The following PLA2G6 variants were observed in gnomAD, a reference collection of about 807,000 sequenced individuals.
The protein encoded by PLA2G6 is phospholipase A2 group VI.
Under a neutral mutation model 83.8 loss-of-function variants are expected in PLA2G6, and 62 were observed. That is an observed-to-expected ratio of 0.74 (90% CI 0.60 to 0.91). PLA2G6 has a LOEUF of 0.91. Ranked by LOEUF, PLA2G6 falls within the 40% of genes least tolerant of loss-of-function variation. PLA2G6 has a pLI of 0.00. For synonymous variants in PLA2G6, 417 were observed against 449.8 expected (o/e 0.93, Z 0.92); for missense variants, 944 against 1,102.0 (o/e 0.86, Z 2.03).
chr22:38,115,729 A>G (rs1455048284), intron 13 of PLA2G6, 48 bp from the exon 14 acceptor site: 1 of 1,560,922 alleles, frequency 6.4e-7, no homozygotes, highest in Non-Finnish European at 8.7e-7. Flanking sequence ...GGACTGGCAT[A>G]AAACCCATGC....
At chr22:38,166,092 G>C (rs980310485) in intron 2 of PLA2G6, among the ~76,000 whole-genome samples, 7 of 152,172 alleles carry the variant, frequency 4.6e-5, no homozygotes, top group Admixed American at 3.9e-4. Context: ...GACGGAGGGA[G>C]AAAGAACCTC....
chr22:38,112,885 C>T (rs987571149), intron 15 of PLA2G6: 7 of 506,386 alleles, frequency 1.4e-5, no homozygotes, highest in Non-Finnish European at 2.1e-5. Context: ...TCCCTCCCTC[C>T]CTCCTCTCTC....
At chr22:38,158,274 A>T (rs1485335758) in intron 2 of PLA2G6, among the ~76,000 whole-genome samples, 1 of 146,400 alleles carries the variant, frequency 6.8e-6, no homozygotes, top group African/African-American at 2.5e-5. Flanking sequence ...GGTTCAAGTG[A>T]TTCTCCCGCT....
chr22:38,122,971 C>T, intron 11 of PLA2G6, 124 bp downstream of exon 11: 1 of 972,486 alleles, frequency 1.0e-6, no homozygotes, highest in Non-Finnish European at 1.6e-6. Flanking sequence ...CCTGCCTCCT[C>T]AAAGTGCTTA....
intron 1 of PLA2G6, among the ~76,000 whole-genome samples, chr22:38,177,031 T>G (rs921078231): frequency 3.2e-5 from 4 of 123,554 alleles, no homozygotes; most frequent in South Asian, 2.9e-4. Context: ...GATGACAAAG[T>G]GAGACTGTCT....
chr22:38,171,566 C>A (rs1173761978), intron 1 of PLA2G6, among the ~76,000 whole-genome samples: 1 of 152,068 alleles, frequency 6.6e-6, no homozygotes. Flanking sequence ...TGCCCGTAAT[C>A]CCAGCACTCT....
rs73154423 is a variant in PLA2G6, at chr22:38,174,817, A to G, written c.-45-5346T>C. ...GGGGCCGTGGTTAGTGCTGTGATCA[A>G]CGTGAACACAGGTCACCTGGAGCCA... On this transcript the variant is annotated intron_variant, in intron 1 of 16. Coordinates refer to ENST00000332509, the MANE Select transcript of PLA2G6 (RefSeq NM_003560.4). 2.7e-3 allele frequency among the ~76,000 whole-genome samples: 418 copies of G among 152,242 alleles called. 2 individuals are homozygous for G. The highest frequency in any genetic ancestry group is 0.024 in the Middle Eastern group (7 of 294).
intron 4 of PLA2G6, chr22:38,141,905 A>G (rs909128470): frequency 1.3e-5 from 2 of 151,688 alleles, no homozygotes; most frequent in East Asian, 1.9e-4. Flanking sequence ...ATGAATCCAC[A>G]TTTTCTGGGC....
intron 11 of PLA2G6, among the ~76,000 whole-genome samples, chr22:38,122,591 T>C (rs187442428): frequency 6.6e-6 from 1 of 152,300 alleles, no homozygotes; most frequent in Admixed American, 6.5e-5. Flanking sequence ...GGATGAGCTA[T>C]GTGACTTCAC....
At chr22:38,119,210 T>C (rs1251218199) in intron 12 of PLA2G6, among the ~76,000 whole-genome samples, 1 of 151,974 alleles carries the variant, frequency 6.6e-6, no homozygotes, top group African/African-American at 2.4e-5. Flanking sequence ...CACACAGCGG[T>C]AGTTTTTTAT....
At chr22:38,161,773 G>A (rs1156803454) in intron 2 of PLA2G6, among the ~76,000 whole-genome samples, 2 of 152,130 alleles carry the variant, frequency 1.3e-5, no homozygotes, top group African/African-American at 4.8e-5. Flanking sequence ...TCAGCTGAGA[G>A]TAAGCGTGGA....
chr22:38,151,916 GA>G (rs1201248889), intron 2 of PLA2G6, among the ~76,000 whole-genome samples: 1 of 152,186 alleles, frequency 6.6e-6, no homozygotes, highest in Non-Finnish European at 1.5e-5. Context: ...TGATTATGCT[GA>G]AAAGTAAGCA....
At chr22:38,169,812 C>G (rs567511960) in intron 1 of PLA2G6, among the ~76,000 whole-genome samples, 1 of 152,298 alleles carries the variant, frequency 6.6e-6, no homozygotes, top group South Asian at 2.1e-4. Flanking sequence ...AAGGAGATAG[C>G]ACATGTGAAC....
At chr22:38,112,471 C>T (rs370465424) in intron 16 of PLA2G6, 33 bp downstream of exon 16, 55 of 1,539,274 alleles carry the variant, frequency 3.6e-5, no homozygotes, top group Middle Eastern at 3.3e-4. Context: ...CGCCAGGGCA[C>T]GGGGCCAAGG....
At chr22:38,113,732 C>G (rs1257141795) in intron 14 of PLA2G6, 78 bp from the exon 15 acceptor site, 2 of 1,345,970 alleles carry the variant, frequency 1.5e-6, no homozygotes, top group Non-Finnish European at 2.1e-6. Context: ...CAAGGGGAGG[C>G]CCAAGACTGG....
intron 9 of PLA2G6, chr22:38,126,910 G>T: frequency 1.4e-6 from 1 of 711,928 alleles, no homozygotes; most frequent in Non-Finnish European, 1.9e-6. Context: ...TAGTCAAAAG[G>T]CTGAGTCAGG....
Position 38,132,722 on chromosome 22 carries a change from A to T in PLA2G6, c.1077+109T>A. On this transcript the variant is annotated intron_variant, in intron 7 of 16. Transcript: ENST00000332509. This position sits in a 1 kb window ranked among gnomAD's most constrained non-coding sequence, Gnocchi z 5.0. ...AGCTTTGGGTGGGAAGATGATTTGG[A>T]GCAGCTGACGATAGGAGGGAGACAG... 1.0e-6 allele frequency: 1 copy of T among 991,674 alleles called. No individual in the cohort carries two copies. The highest frequency in any genetic ancestry group is 1.5e-6 in the Non-Finnish European group (1 of 667,970). 61.4% of individuals were successfully genotyped at this position (991,674 alleles called of 1,614,324 possible).
intron 4 of PLA2G6, chr22:38,141,212 C>A (rs2088883551): frequency 6.6e-6 from 1 of 150,852 alleles, no homozygotes; most frequent in Admixed American, 6.6e-5. Context: ...AAAAAATTAG[C>A]CCATGTGGTG....
At position 38,123,541 on chromosome 22, in the gene PLA2G6, C is replaced by A. The variant is rs527310611; in HGVS notation, c.1428-283G>T. ...CCATCCCAGCAGGATCTCGGCCAGTCTCCCCAACTTGGGACACCTGATTTT... is the reference window on the plus strand; with the variant it reads ...CCATCCCAGCAGGATCTCGGCCAGTATCCCCAACTTGGGACACCTGATTTT... On this transcript the variant is annotated intron_variant, in intron 10 of 16. Coordinates refer to ENST00000332509, the MANE Select transcript of PLA2G6 (RefSeq NM_003560.4). This position sits in a 1 kb window ranked among gnomAD's most constrained non-coding sequence, Gnocchi z 4.1. Among the ~76,000 whole-genome samples, 2 of 152,140 alleles carry A rather than the reference C, an allele frequency of 1.3e-5. No homozygotes were observed. Among genetic ancestry groups the A allele is most frequent in the Admixed American group, 6.6e-5 (1 of 15,266 alleles).
Sources: allele counts gnomAD v4.1 joint callset (sites outside exome capture counted in the v4.1 genomes callset), GRCh38; gene constraint gnomAD v4.1.1; non-coding constraint Gnocchi (gnomAD v3.1); transcripts MANE v1.5; gene names NCBI Gene and HGNC (gene_info 2026-07-23, HGNC 2026-07-21).